The following SLC15A4 variants were observed in gnomAD, a reference collection of about 807,000 sequenced individuals.
SLC15A4 encodes the protein solute carrier family 15 member 4, also known as hPHT1.
Under a neutral mutation model 46.1 loss-of-function variants are expected in SLC15A4, and 26 were observed. The observed-to-expected ratio is 0.56, with a 90% CI of 0.41 to 0.78. The LOEUF is 0.78. Among genes scored for constraint, SLC15A4 ranks in the 30% least tolerant of loss-of-function variants. SLC15A4 has a pLI of 0.00. For synonymous variants in SLC15A4, 370 were observed against 333.4 expected (o/e 1.11, Z -1.20); for missense variants, 751 against 755.7 (o/e 0.99, Z 0.07).
chr12:128,801,984 A>C (rs1338717132), intron 5 of SLC15A4, among the ~76,000 whole-genome samples: 1 of 152,182 alleles, frequency 6.6e-6, no homozygotes, highest in African/African-American at 2.4e-5. Context: ...TCCACCTCAA[A>C]TCTCAACTGA....
rs1055988005 is a variant in SLC15A4, at chr12:128,823,564, G to A, written c.380C>T (p.Ala127Val). The A allele has an allele frequency of 3.5e-6, 5 of 1,441,542 alleles. No homozygotes were observed. Among genetic ancestry groups the A allele is most frequent in the South Asian group, 1.4e-5 (1 of 72,268 alleles). The allele number at this position is 1,441,542 out of a possible 1,614,324, so 89.3% of individuals were successfully genotyped here. Reference sequence around the variant, plus strand: ...GGAACCGCAGAGCGCGGCTCGCGTGGCGGGCGCGGCCAGCAGCGGGAAGGC... The same window carrying A: ...GGAACCGCAGAGCGCGGCTCGCGTGACGGGCGCGGCCAGCAGCGGGAAGGC... ...MLAFPLLAAPATRAALCGSAR... is the reference protein window; with the variant it reads ...MLAFPLLAAPVTRAALCGSAR... Residue 127 changes from alanine (A) to valine (V), a missense_variant, in exon 1 of 8, where the codon GCC becomes GTC. Transcript: ENST00000266771.
intron 7 of SLC15A4, among the ~76,000 whole-genome samples, chr12:128,798,717 T>C (rs1376661254): frequency 6.6e-6 from 1 of 152,244 alleles, no homozygotes; most frequent in Non-Finnish European, 1.5e-5. Context: ...TGAGTGGTTC[T>C]GTTCAACACT....
intron 1 of SLC15A4, among the ~76,000 whole-genome samples, chr12:128,816,211 G>A (rs904285123): frequency 1.3e-5 from 2 of 152,176 alleles, no homozygotes; most frequent in Non-Finnish European, 2.9e-5. Flanking sequence ...GGTGGGAACA[G>A]GTCATTTGGG....
chr12:128,796,569 C>T (rs944226748), intron 7 of SLC15A4, among the ~76,000 whole-genome samples: 12 of 151,748 alleles, frequency 7.9e-5, no homozygotes, highest in Admixed American at 2.6e-4. Context: ...GCTGCTAATA[C>T]CCTGAATTCT....
intron 2 of SLC15A4, 102 bp from the exon 3 acceptor site, chr12:128,810,213 G>C: frequency 5.3e-6 from 6 of 1,136,746 alleles, no homozygotes; most frequent in Non-Finnish European, 5.1e-6. Flanking sequence ...TCACTGTATT[G>C]AATCTGCTTC....
At chr12:128,796,258 T>C (rs879294710) in intron 7 of SLC15A4, among the ~76,000 whole-genome samples, 6 of 151,994 alleles carry the variant, frequency 3.9e-5, no homozygotes, top group Non-Finnish European at 5.9e-5. Context: ...ACCCCGTCTC[T>C]ACTAAAAATA....
In SLC15A4 at chr12:128,794,108, T is replaced by C; in HGVS notation, c.*88A>G. The C allele has an allele frequency of 1.6e-6, 2 of 1,238,272 alleles. No individual in the cohort carries two copies. Among genetic ancestry groups the C allele is most frequent in the South Asian group, 1.6e-5 (1 of 63,020 alleles). The allele number at this position is 1,238,272 out of a possible 1,614,324, so 76.7% of individuals were successfully genotyped here. ...AGTTTCAGTGAAGTCAGACATTTTA[T>C]GGGAATTTAAAGTCTTGCCTGTTCT... On this transcript the variant is annotated 3_prime_UTR_variant, in exon 8 of 8. Coordinates refer to ENST00000266771, the MANE Select transcript of SLC15A4 (RefSeq NM_145648.4).
chr12:128,816,117 C>G (rs1032834475), intron 1 of SLC15A4, among the ~76,000 whole-genome samples: 1 of 152,192 alleles, frequency 6.6e-6, no homozygotes, highest in East Asian at 1.9e-4. Flanking sequence ...TCACTGACTT[C>G]CTGGACTCAA....
intron 5 of SLC15A4, among the ~76,000 whole-genome samples, chr12:128,802,532 T>G (rs1955528985): frequency 6.6e-6 from 1 of 152,156 alleles, no homozygotes; most frequent in African/African-American, 2.4e-5. Flanking sequence ...GAATACCACT[T>G]TTCTCCTTCA....
intron 5 of SLC15A4, 110 bp from the exon 6 acceptor site, chr12:128,801,119 G>C (rs1955514176): frequency 2.0e-6 from 2 of 1,020,476 alleles, no homozygotes; most frequent in Non-Finnish European, 2.8e-6. Context: ...TCTGATGCGT[G>C]AAAGGACCAC....
intron 5 of SLC15A4, among the ~76,000 whole-genome samples, chr12:128,806,808 C>T (rs1437649127): frequency 2.6e-5 from 4 of 151,918 alleles, no homozygotes; most frequent in African/African-American, 9.7e-5. Flanking sequence ...TCCCCATAGG[C>T]GCCAACACTC....
rs747557482 is a variant in SLC15A4 at position 128,823,389 on chromosome 12, G to A, written c.546+9C>T. ...AGGGACAGGGACAGCGCGCGGGGGC[G>A]CGGCTCACCTGGTCGGCGCCGAAGG... On this transcript the variant is annotated intron_variant, in intron 1 of 7. Coordinates refer to ENST00000266771, the MANE Select transcript of SLC15A4 (RefSeq NM_145648.4). 116 of 1,407,398 alleles carry A rather than the reference G, an allele frequency of 8.2e-5. No individual in the cohort carries two copies. The highest frequency in any genetic ancestry group is 1.0e-4 in the Non-Finnish European group (113 of 1,087,044). 87.2% of individuals were successfully genotyped at this position (1,407,398 alleles called of 1,614,324 possible).
chr12:128,815,719 A>T (rs1383735317), intron 1 of SLC15A4: 1 of 153,694 alleles, frequency 6.5e-6, no homozygotes, highest in Non-Finnish European at 1.4e-5. Context: ...CAGTCACAGG[A>T]CCCACGCTCC....
intron 5 of SLC15A4, among the ~76,000 whole-genome samples, chr12:128,802,589 G>A (rs536281321): frequency 6.3e-4 from 96 of 152,278 alleles, no homozygotes; most frequent in Non-Finnish European, 6.3e-4. Context: ...GTCTGCAGGG[G>A]GCGGGACAAG....
At chr12:128,816,264 C>T (rs1019729177) in intron 1 of SLC15A4, among the ~76,000 whole-genome samples, 7 of 152,150 alleles carry the variant, frequency 4.6e-5, no homozygotes, top group African/African-American at 1.4e-4. Flanking sequence ...TGGATTTTTA[C>T]GTCTAAATAA....
At chr12:128,818,488 T>C (rs10847699) in intron 1 of SLC15A4, among the ~76,000 whole-genome samples, 36,385 of 152,126 alleles carry the variant, frequency 0.24, 4,661 homozygotes, top group South Asian at 0.39. Flanking sequence ...CAGAGTGTAC[T>C]TCAGGCCTGC....
chr12:128,796,934 C>T (rs751822692), intron 7 of SLC15A4, among the ~76,000 whole-genome samples: 6 of 152,156 alleles, frequency 3.9e-5, no homozygotes, highest in African/African-American at 7.2e-5. Context: ...GGTCCAAGCC[C>T]GCAGGCAGAC....
At chr12:128,809,028 C>A in intron 4 of SLC15A4, 72 bp from the exon 5 acceptor site, 1 of 1,415,712 alleles carries the variant, frequency 7.1e-7, no homozygotes, top group South Asian at 1.3e-5. Context: ...GAACCAACGT[C>A]TCAATGGGAG....
At chr12:128,815,165 TCACAACCTTTAAGAAGCGCAA>T (rs1955734314) in intron 1 of SLC15A4, 95 bp from the exon 2 acceptor site, 1 of 1,215,128 alleles carries the variant, frequency 8.2e-7, no homozygotes, top group Non-Finnish European at 1.2e-6. Flanking sequence ...ACCGTTGTCA[TCACAACCTTTAAGAAGCGCAA>T]CACAATCAAA....
Sources: gnomAD v4.1 joint callset for allele counts (sites outside exome capture counted in the v4.1 genomes callset) on GRCh38, gnomAD v4.1.1 for gene constraint, MANE v1.5 for transcripts, NCBI Gene and HGNC (gene_info 2026-07-23, HGNC 2026-07-21) for gene names.